The following SNAPC1 variants were observed in gnomAD, a reference collection of about 807,000 sequenced individuals.
The protein encoded by SNAPC1 is snRNA-activating protein complex subunit 1.
A neutral mutation model predicts 50.1 loss-of-function variants in SNAPC1; 42 were observed. That is an observed-to-expected ratio of 0.84 (90% CI 0.65 to 1.08). SNAPC1 has a LOEUF of 1.08. SNAPC1 is among the 50% of genes least tolerant of loss of function. The probability of loss-of-function intolerance (pLI) is 0.00; values close to 1 mark genes in which losing one functional copy is unlikely to be tolerated. For synonymous variants in SNAPC1, 164 were observed against 144.2 expected (o/e 1.14, Z -0.98); for missense variants, 477 against 427.3 (o/e 1.12, Z -1.02).
chr14:61,788,129 T>C (rs2045127860), intron 8 of SNAPC1, among the ~76,000 whole-genome samples: 1 of 152,216 alleles, frequency 6.6e-6, no homozygotes. Flanking sequence ...ACAGGCTCTA[T>C]AGTACATCTG....
intron 7 of SNAPC1, among the ~76,000 whole-genome samples, chr14:61,780,078 G>A (rs935933043): frequency 2.6e-5 from 4 of 152,162 alleles, no homozygotes; most frequent in African/African-American, 9.7e-5. Context: ...GTAGTCAAGA[G>A]GAGATCAGGA....
chr14:61,791,116 A>G (rs10140536), intron 8 of SNAPC1, among the ~76,000 whole-genome samples: 23,280 of 152,016 alleles, frequency 0.15, 2,154 homozygotes, highest in South Asian at 0.32. Flanking sequence ...GGTTCAAGCA[A>G]TTCTCCTGCC....
intron 4 of SNAPC1, among the ~76,000 whole-genome samples, chr14:61,772,030 C>T (rs2044995022): frequency 6.6e-6 from 1 of 152,078 alleles, no homozygotes; most frequent in Non-Finnish European, 1.5e-5. Context: ...CATTTTCAAA[C>T]AGCAAGACAT....
At chr14:61,763,071 A>G (rs1455868530) in intron 1 of SNAPC1, among the ~76,000 whole-genome samples, 1 of 135,834 alleles carries the variant, frequency 7.4e-6, no homozygotes, top group African/African-American at 2.7e-5. Context: ...GCTCAGTGCA[A>G]CCCTTCGCCT....
In SNAPC1 at chr14:61,794,957, G is replaced by A. The variant is rs1244432732; in HGVS notation, c.1081G>A (p.Ala361Thr). Residue 361 changes from alanine (A) to threonine (T), a missense_variant, in exon 10 of 10, where the codon GCA becomes ACA. Transcript: ENST00000216294. ...AAACTTTATGTCTTTAGAGTTCACT[G>A]CATCCAAGAAGAGGAGAAAACACTG... ...NESLSGTEFT[A>T]SKKRRKH is the part of the protein sequence containing the mutation. 3 of 1,579,660 alleles carry A rather than the reference G, an allele frequency of 1.9e-6. No individual in the cohort carries two copies. The highest frequency in any genetic ancestry group is 1.9e-5 in the Admixed American group (1 of 53,566).
intron 8 of SNAPC1, among the ~76,000 whole-genome samples, chr14:61,787,712 T>C (rs1360900045): frequency 6.6e-6 from 1 of 152,222 alleles, no homozygotes; most frequent in East Asian, 1.9e-4. Flanking sequence ...AGGCACATAC[T>C]CCTAAATTTG....
At chr14:61,770,249 T>A (rs1566588095) in intron 4 of SNAPC1, among the ~76,000 whole-genome samples, 1 of 151,412 alleles carries the variant, frequency 6.6e-6, no homozygotes, top group Non-Finnish European at 1.5e-5. Context: ...TTTTTTTTTT[T>A]TTCTTGTCCC....
intron 1 of SNAPC1, 113 bp from the exon 2 acceptor site, chr14:61,766,763 G>T: frequency 1.8e-6 from 1 of 565,108 alleles, no homozygotes. Flanking sequence ...AAAGAATCAG[G>T]TATGGAATCC....
rs557620745 is a variant in SNAPC1, at chr14:61,762,700, C to T, written c.128+112C>T. On this transcript the variant is annotated intron_variant, in intron 1 of 9. Coordinates refer to ENST00000216294, the MANE Select transcript of SNAPC1 (RefSeq NM_003082.4). Reference sequence around the variant, plus strand: ...AAGGGCTGAGAAGAGCGGCAGTCACCGAAGGTTGCCTCCATGACTCCTGGA... The same window carrying T: ...AAGGGCTGAGAAGAGCGGCAGTCACTGAAGGTTGCCTCCATGACTCCTGGA... The T allele has an allele frequency of 3.1e-6, 4 of 1,286,564 alleles. No homozygotes were observed. In the South Asian group the frequency reaches 3.9e-5, roughly 13 times the overall value. The allele number at this position is 1,286,564 out of a possible 1,614,324, so 79.7% of individuals were successfully genotyped here. A position where few individuals can be genotyped will look rare whatever the true frequency, so the allele number is the denominator to read the frequency against.
intron 9 of SNAPC1, 38 bp from the exon 10 acceptor site, chr14:61,794,911 T>C: frequency 6.7e-7 from 1 of 1,484,454 alleles, no homozygotes; most frequent in Non-Finnish European, 9.3e-7. Context: ...TTTTTTTTGT[T>C]TTTAGATCTG....
intron 9 of SNAPC1, among the ~76,000 whole-genome samples, chr14:61,793,815 C>G (rs2045169641): frequency 6.6e-6 from 1 of 151,966 alleles, no homozygotes; most frequent in Non-Finnish European, 1.5e-5. Context: ...CACCATCATG[C>G]CCGGCTCATT....
At position 61,782,953 on chromosome 14, in the gene SNAPC1, G is replaced by A. The variant is rs192487323; in HGVS notation, c.976+556G>A. ...TAGGCCTATACAGATTAAATAACTT[G>A]TCTAAAGTGATATATCAATTAATAG... On this transcript the variant is annotated intron_variant, in intron 8 of 9. Transcript: ENST00000216294. Among the ~76,000 whole-genome samples the A allele has an allele frequency of 2.1e-3, 313 of 150,408 alleles. 1 individual carries two copies. Among genetic ancestry groups the A allele is most frequent in the African/African-American group, 7.4e-3 (303 of 40,888 alleles).
chr14:61,790,556 C>T (rs990224541), intron 8 of SNAPC1, among the ~76,000 whole-genome samples: 5 of 152,154 alleles, frequency 3.3e-5, no homozygotes, highest in Non-Finnish European at 2.9e-5. Flanking sequence ...AGGTTGGTCT[C>T]GAACTCCTGA....
chr14:61,767,007 A>C lies in SNAPC1; in HGVS notation c.260A>C (p.Asn87Thr). ...TTGTATCTGCTATATGGATTATATA[A>C]TACCCAACTGTGTCAACCAAAACAA... is the stretch of plus-strand genomic sequence containing the variant. ...GALYLLYGLY[N>T]TQLCQPKQKI... Residue 87 changes from asparagine to threonine, a missense_variant, in exon 2 of 10, where the codon AAT becomes ACT. By Grantham distance (65) the Asn-to-Thr change is moderately conservative. Coordinates refer to ENST00000216294, the MANE Select transcript of SNAPC1 (RefSeq NM_003082.4). 1 of 1,598,280 alleles carries C rather than the reference A, an allele frequency of 6.3e-7. No homozygotes were observed. Among genetic ancestry groups the C allele is most frequent in the Non-Finnish European group, 8.5e-7 (1 of 1,171,054 alleles).
At chr14:61,770,283 C>T (rs557064693) in intron 4 of SNAPC1, among the ~76,000 whole-genome samples, 1 of 149,882 alleles carries the variant, frequency 6.7e-6, no homozygotes, top group African/African-American at 2.5e-5. Flanking sequence ...TCCTCTGTCA[C>T]CCAGGCTGGA....
rs141576395 is a variant in SNAPC1, at chr14:61,774,004, C to T, written c.535-2091C>T. Reference sequence around the variant, plus strand: ...GATTACAGGCATGAGCCATCGTGCACGGCCCCCAGTTTTAAAAATAAGGAA... The same window carrying T: ...GATTACAGGCATGAGCCATCGTGCATGGCCCCCAGTTTTAAAAATAAGGAA... On this transcript the variant is annotated intron_variant, in intron 4 of 9. Coordinates refer to ENST00000216294, the MANE Select transcript of SNAPC1 (RefSeq NM_003082.4). Among the ~76,000 whole-genome samples the T allele has an allele frequency of 3.1e-4, 47 of 152,170 alleles. No individual in the cohort carries two copies. In the East Asian group the frequency reaches 4.0e-3, roughly 13 times the overall value.
Position 61,766,905 on chromosome 14 carries a change from T to A in SNAPC1, c.158T>A (p.Met53Lys). 1 of 1,610,142 alleles carries A rather than the reference T, an allele frequency of 6.2e-7. No individual in the cohort carries two copies. Among genetic ancestry groups the A allele is most frequent in the Non-Finnish European group, 8.5e-7 (1 of 1,176,656 alleles). Residue 53 changes from methionine (M) to lysine (K), a missense_variant, in exon 2 of 10, where the codon ATG becomes AAG. Met to Lys is a moderately conservative substitution (Grantham distance 95). Coordinates refer to ENST00000216294, the MANE Select transcript of SNAPC1 (RefSeq NM_003082.4). ...CGRMRNLEKNMFTKEALALAW... is the reference protein window; with the variant it reads ...CGRMRNLEKNKFTKEALALAW... ...AGAATGAGAAATTTAGAAAAGAACA[T>A]GTTTACAAAAGAAGCTTTAGCTTTG...
At chr14:61,794,630 G>A (rs149883813) in intron 9 of SNAPC1, among the ~76,000 whole-genome samples, 481 of 152,134 alleles carry the variant, frequency 3.2e-3, no homozygotes, top group African/African-American at 0.011. Context: ...GGATGGTCTC[G>A]ATCCCCTGAC....
At chr14:61,775,444 C>T (rs1423395003) in intron 4 of SNAPC1, among the ~76,000 whole-genome samples, 8 of 152,048 alleles carry the variant, frequency 5.3e-5, no homozygotes, top group South Asian at 4.2e-4. Context: ...TTAGTAGAGA[C>T]GGGGTTTCAC....
Sources: gnomAD v4.1 joint callset for allele counts (sites outside exome capture counted in the v4.1 genomes callset) on GRCh38, gnomAD v4.1.1 for gene constraint, MANE v1.5 for transcripts, NCBI Gene and HGNC (gene_info 2026-07-23, HGNC 2026-07-21) for gene names.